CXADR: variants seen among roughly 807,000 people sequenced by gnomAD.
The protein encoded by CXADR is coxsackievirus and adenovirus receptor.
In CXADR, 20 loss-of-function variants were observed where a neutral mutation model predicts 40.3. The observed-to-expected ratio is 0.50, with a 90% CI of 0.35 to 0.72. The LOEUF (loss-of-function observed/expected upper bound fraction) is 0.72, where lower values mean the gene tolerates loss of function less well. Among genes scored for constraint, CXADR ranks in the 30% least tolerant of loss-of-function variants. The pLI is 0.01. For missense variants in CXADR, 332 were observed against 449.1 expected, an observed-to-expected ratio of 0.74 and a Z score of 2.36; for synonymous variants, 150 against 161.3, an observed-to-expected ratio of 0.93 and a Z score of 0.53.
At chr21:17,616,666 G>C in the CXADR span, among the ~76,000 whole-genome samples, 3 of 152,106 alleles carry the variant, frequency 2.0e-5, no homozygotes, top group African/African-American at 7.2e-5. Context: ...ATGTAACATA[G>C]AGGATGTTAC....
Position 17,551,682 on chromosome 21 carries a change from C to T in CXADR, c.211-67C>T, listed in dbSNP as rs549596386. On this transcript the variant is annotated intron_variant, in intron 2 of 6. Transcript: ENST00000284878. ...TGTAGCAGCAGGTGTATCCAGGGCT[C>T]CTTTAAGAGACAGTTTTTTTTGTGT... 21 of 1,421,844 alleles carry T rather than the reference C, an allele frequency of 1.5e-5. No individual in the cohort carries two copies. In the South Asian group the frequency reaches 2.4e-4, roughly 16 times the overall value. 88.1% of individuals were successfully genotyped at this position (1,421,844 alleles called of 1,614,324 possible). A position where few individuals can be genotyped will look rare whatever the true frequency, so the allele number is the denominator to read the frequency against.
chr21:17,523,356 A>G (rs907359630), intron 1 of CXADR, among the ~76,000 whole-genome samples: 29 of 152,194 alleles, frequency 1.9e-4, no homozygotes, highest in Admixed American at 1.8e-3. Context: ...GAGAAAGAGC[A>G]TTTGAAGATC....
At chr21:17,545,166 T>C (rs1346278888) in intron 1 of CXADR, among the ~76,000 whole-genome samples, 3 of 147,350 alleles carry the variant, frequency 2.0e-5, no homozygotes, top group East Asian at 2.0e-4. Flanking sequence ...ATCTTAGTGC[T>C]TAGGGCCTCC....
chr21:17,553,807 C>T (rs979210851), intron 3 of CXADR, among the ~76,000 whole-genome samples: 1 of 151,804 alleles, frequency 6.6e-6, no homozygotes, highest in Non-Finnish European at 1.5e-5. Context: ...TTGGTAGAGA[C>T]GGGGTTTCAC....
intron 1 of CXADR, among the ~76,000 whole-genome samples, chr21:17,523,961 C>T (rs1248336370): frequency 6.6e-6 from 1 of 151,916 alleles, no homozygotes; most frequent in African/African-American, 2.4e-5. Context: ...CAGGTTTAAG[C>T]AATTCTCCTG....
chr21:17,551,826 T>C lies in CXADR; in HGVS notation c.288T>C (p.Asn96=), dbSNP rs2060972972. Residue 96 remains asparagine, a synonymous_variant, in exon 3 of 7, where the codon AAT becomes AAC. Transcript: ENST00000284878. ...AAGGCCGAGTACATTTTACGAGTAATGATCTCAAATCTGGTGATGCATCAA... is the reference window on the plus strand; with the variant it reads ...AAGGCCGAGTACATTTTACGAGTAACGATCTCAAATCTGGTGATGCATCAA... The part of the protein sequence containing the change: ...DLKGRVHFTS[N]DLKSGDASIN... The C allele has an allele frequency of 6.2e-7, 1 of 1,613,916 alleles. No homozygotes were observed.
chr21:17,590,174 G>A (rs2061424954), intron 7 of CXADR, among the ~76,000 whole-genome samples: 1 of 150,890 alleles, frequency 6.6e-6, no homozygotes, highest in East Asian at 1.9e-4. Flanking sequence ...TAAACACAAA[G>A]TCTCCCATGA....
In CXADR at chr21:17,568,398, G is replaced by A; in HGVS notation, c.*2706G>A. The A allele has an allele frequency of 2.0e-6, 2 of 979,876 alleles. No homozygotes were observed. The highest frequency in any genetic ancestry group is 2.4e-6 in the Non-Finnish European group (2 of 825,144). The allele number at this position is 979,876 out of a possible 1,614,324, so 60.7% of individuals were successfully genotyped here. ...CTGCCTCGGCCTCCCAAAGTGCTGG[G>A]ATTACAGGCGTGAACCACTGCACCC... is the stretch of plus-strand genomic sequence containing the variant. On this transcript the variant is annotated 3_prime_UTR_variant, in exon 7 of 7. Transcript: ENST00000284878.
At chr21:17,530,047 C>T (rs1224811928) in intron 1 of CXADR, among the ~76,000 whole-genome samples, 1 of 150,806 alleles carries the variant, frequency 6.6e-6, no homozygotes, top group African/African-American at 2.4e-5. Context: ...CTCCTGGGTT[C>T]AAGCGATTCT....
At chr21:17,604,969 C>T in the CXADR span, 34 of 1,614,128 alleles carry the variant, frequency 2.1e-5, no homozygotes, top group Admixed American at 3.3e-5. Flanking sequence ...TCAGGATCAA[C>T]TCTCTGAAAT....
intron 1 of CXADR, among the ~76,000 whole-genome samples, chr21:17,535,844 A>G (rs1354055334): frequency 6.6e-6 from 1 of 151,916 alleles, no homozygotes; most frequent in Non-Finnish European, 1.5e-5. Context: ...CCATCTCTAC[A>G]AAAAAATACA....
intron 2 of CXADR, among the ~76,000 whole-genome samples, chr21:17,550,363 A>AAAAG (rs1349786142): frequency 3.3e-5 from 5 of 151,470 alleles, no homozygotes; most frequent in Non-Finnish European, 7.4e-5. Context: ...AAAAAAAAAA[A>AAAAG]AAAAGATCTT....
intron 2 of CXADR, among the ~76,000 whole-genome samples, chr21:17,547,937 C>G (rs35010896): frequency 0.18 from 27,037 of 151,932 alleles, 2,564 homozygotes; most frequent in East Asian, 0.24. Context: ...CCAAAAATAG[C>G]ACAGAGGAGG....
At chr21:17,529,618 G>T (rs548365500) in intron 1 of CXADR, among the ~76,000 whole-genome samples, 1 of 152,304 alleles carries the variant, frequency 6.6e-6, no homozygotes, top group African/African-American at 2.4e-5. Context: ...ACTGCGCCCG[G>T]CCGCCTTTTT....
At chr21:17,539,720 T>A (rs1247582028) in intron 1 of CXADR, among the ~76,000 whole-genome samples, 1 of 152,196 alleles carries the variant, frequency 6.6e-6, no homozygotes, top group Non-Finnish European at 1.5e-5. Context: ...TTTTTTTTTC[T>A]CCTGAGAGGG....
the CXADR span, among the ~76,000 whole-genome samples, chr21:17,600,640 G>A: frequency 6.6e-6 from 1 of 151,946 alleles, no homozygotes; most frequent in African/African-American, 2.4e-5. Context: ...GGGTAACATG[G>A]TGAGACCCTG....
intron 1 of CXADR, among the ~76,000 whole-genome samples, chr21:17,529,211 G>A (rs887217566): frequency 2.0e-5 from 3 of 151,492 alleles, no homozygotes; most frequent in African/African-American, 7.3e-5. Flanking sequence ...GCTAATTTTT[G>A]TAGTAGAGAC....
At chr21:17,571,988 C>T (rs1480812327), downstream of CXADR, among the ~76,000 whole-genome samples, 2 of 152,102 alleles carry the variant, frequency 1.3e-5, no homozygotes, top group Non-Finnish European at 2.9e-5. Context: ...TAGTAAGAAA[C>T]CTATGGACAC....
At chr21:17,634,719 GTCT>G in the CXADR span, among the ~76,000 whole-genome samples, 8 of 152,282 alleles carry the variant, frequency 5.3e-5, no homozygotes, top group South Asian at 1.7e-3. Flanking sequence ...TGTGCTAAAT[GTCT>G]TCTTTTTCAA....
Sources: allele counts gnomAD v4.1 joint callset (sites outside exome capture counted in the v4.1 genomes callset), GRCh38; gene constraint gnomAD v4.1.1; transcripts MANE v1.5; gene names NCBI Gene and HGNC (gene_info 2026-07-23, HGNC 2026-07-21).